The following NDRG4 variants were observed in gnomAD, a reference collection of about 807,000 sequenced individuals.
The protein encoded by NDRG4 is NDRG family member 4.
In NDRG4, 38 loss-of-function variants were observed where a neutral mutation model predicts 55.8. That is an observed-to-expected ratio of 0.68 (90% CI 0.53 to 0.89). NDRG4 has a LOEUF of 0.89. Among genes scored for constraint, NDRG4 ranks in the 40% least tolerant of loss-of-function variants. NDRG4 has a pLI of 0.00. For missense variants in NDRG4, 455 were observed against 468.6 expected (o/e 0.97, Z 0.27); for synonymous variants, 190 against 182.7 (o/e 1.04, Z -0.32).
chr16:58,506,339 C>CT (rs767617628), intron 5 of NDRG4, 48 bp from the exon 6 acceptor site: 4 of 1,566,176 alleles, frequency 2.6e-6, no homozygotes, highest in Admixed American at 3.3e-5. Flanking sequence ...TTTCTGCCAT[C>CT]TGCACCCATC....
downstream of NDRG4, among the ~76,000 whole-genome samples, chr16:58,514,113 T>A (rs1226360893): frequency 6.6e-6 from 1 of 152,192 alleles, no homozygotes; most frequent in Admixed American, 6.5e-5. Flanking sequence ...TACGATCATG[T>A]CTGACAGGGT....
At position 58,511,711 on chromosome 16, in the gene NDRG4, C is replaced by A; in HGVS notation, c.*135C>A. The A allele has an allele frequency of 9.6e-7, 1 of 1,039,046 alleles. No individual in the cohort carries two copies. The highest frequency in any genetic ancestry group is 1.5e-6 in the Non-Finnish European group (1 of 679,312). 64.4% of individuals were successfully genotyped at this position (1,039,046 alleles called of 1,614,324 possible). A position where few individuals can be genotyped will look rare whatever the true frequency, so the allele number is the denominator to read the frequency against. The stretch of plus-strand genomic sequence containing the variant: ...TTCTGTTTGAAAAAAATGAGGGGAT[C>A]TTAGATGCTGCAGCAGAACAGTCTC... On this transcript the variant is annotated 3_prime_UTR_variant, in exon 15 of 15. Transcript: ENST00000570248.
Position 58,504,283 on chromosome 16 carries a change from C to G in NDRG4, c.248+9C>G, listed in dbSNP as rs769233398. On this transcript the variant is annotated intron_variant, in intron 3 of 14. Transcript: ENST00000570248. ...TCGCAGTTTCCTCAGGGGTAGGTAC[C>G]CTGAGCCCCCTCTGCCTGTCTCCAG... 40 of 1,613,938 alleles carry G rather than the reference C, an allele frequency of 2.5e-5. No individual in the cohort carries two copies. The highest frequency in any genetic ancestry group is 3.4e-5 in the Non-Finnish European group (40 of 1,180,010).
At chr16:58,472,498 G>A (rs1342703881) in intron 1 of NDRG4, among the ~76,000 whole-genome samples, 2 of 152,216 alleles carry the variant, frequency 1.3e-5, no homozygotes, top group African/African-American at 4.8e-5. Context: ...CCGGCTGCCT[G>A]TGTGTGATTG....
intron 5 of NDRG4, among the ~76,000 whole-genome samples, chr16:58,505,176 AG>A (rs1256095620): frequency 8.6e-5 from 13 of 151,784 alleles, no homozygotes; most frequent in African/African-American, 3.1e-4. Flanking sequence ...GGTGAAACCC[AG>A]TCTCTACTAA....
At position 58,512,107 on chromosome 16, in the gene NDRG4, T is replaced by C. The variant is rs1197710402; in HGVS notation, c.*531T>C. 4.4e-6 allele frequency: 2 copies of C among 456,722 alleles called. No individual in the cohort carries two copies. Among genetic ancestry groups the C allele is most frequent in the Non-Finnish European group, 4.4e-6 (1 of 226,976 alleles). 28.3% of individuals were successfully genotyped at this position (456,722 alleles called of 1,614,324 possible). A position where few individuals can be genotyped will look rare whatever the true frequency, so the allele number is the denominator to read the frequency against. On this transcript the variant is annotated 3_prime_UTR_variant, in exon 15 of 15. Coordinates refer to ENST00000570248, the MANE Select transcript of NDRG4 (RefSeq NM_001242835.2). ...GGGCGCTCGGACCAGGCAGCCACTT[T>C]CCTGGTGCTCTCTGGGCCCAGCTGG...
At chr16:58,508,865 C>A in intron 10 of NDRG4, 97 bp from the exon 11 acceptor site, 2 of 1,375,010 alleles carry the variant, frequency 1.5e-6, no homozygotes, top group Non-Finnish European at 1.0e-6. Context: ...CCTCCCTGCA[C>A]CCCCTCTCCT....
chr16:58,500,744 G>C, intron 1 of NDRG4: 1 of 422,048 alleles, frequency 2.4e-6, no homozygotes, highest in Admixed American at 4.0e-5. Flanking sequence ...TGCGTGCCGG[G>C]TCTGTGCGTG....
At chr16:58,507,257 G>C in intron 8 of NDRG4, 1 of 545,382 alleles carries the variant, frequency 1.8e-6, no homozygotes, top group Non-Finnish European at 3.3e-6. Flanking sequence ...GGGGCTTCCC[G>C]CTTGGGAATG....
At chr16:58,483,106 C>A (rs1238666651) in intron 1 of NDRG4, among the ~76,000 whole-genome samples, 1 of 152,020 alleles carries the variant, frequency 6.6e-6, no homozygotes, top group Non-Finnish European at 1.5e-5. Context: ...TTTTCAAACA[C>A]CCCCACCATC....
In NDRG4 at chr16:58,511,584, G is replaced by T; in HGVS notation, c.*8G>T. Reference sequence around the variant, plus strand: ...ATGGAGGTGTCCTGTTGAAGCCCTTGATCCCGCTGACGACGCCCACGTCGA... The same window carrying T: ...ATGGAGGTGTCCTGTTGAAGCCCTTTATCCCGCTGACGACGCCCACGTCGA... On this transcript the variant is annotated 3_prime_UTR_variant, in exon 15 of 15. Transcript: ENST00000570248. The T allele has an allele frequency of 6.2e-7, 1 of 1,613,068 alleles. No homozygotes were observed. Among genetic ancestry groups the T allele is most frequent in the African/African-American group, 1.3e-5 (1 of 75,046 alleles).
At position 58,511,667 on chromosome 16, in the gene NDRG4, C is replaced by G; in HGVS notation, c.*91C>G. 6.7e-7 allele frequency: 1 copy of G among 1,497,840 alleles called. No individual in the cohort carries two copies. Among genetic ancestry groups the G allele is most frequent in the Non-Finnish European group, 9.3e-7 (1 of 1,076,592 alleles). The allele number at this position is 1,497,840 out of a possible 1,614,324, so 92.8% of individuals were successfully genotyped here. A position where few individuals can be genotyped will look rare whatever the true frequency, so the allele number is the denominator to read the frequency against. On this transcript the variant is annotated 3_prime_UTR_variant, in exon 15 of 15. Transcript: ENST00000570248. ...TCCCTTTAGTTTATTTTTGTGAGGG[C>G]AAAGGGGAGGAAATGGGGTTCTGTT...
At chr16:58,498,386 C>G (rs1038867385), upstream of NDRG4, among the ~76,000 whole-genome samples, 1 of 152,120 alleles carries the variant, frequency 6.6e-6, no homozygotes, top group Non-Finnish European at 1.5e-5. Flanking sequence ...GGAATAGGTG[C>G]CCCCAGGCAG....
chr16:58,511,396 C>T (rs1467309005), intron 14 of NDRG4, 26 bp from the exon 15 acceptor site: 1 of 1,581,094 alleles, frequency 6.3e-7, no homozygotes, highest in African/African-American at 1.3e-5. Flanking sequence ...CGCCAGTCCT[C>T]AGGCCCATCC....
At chr16:58,478,898 T>C (rs2034069602) in intron 1 of NDRG4, among the ~76,000 whole-genome samples, 1 of 152,184 alleles carries the variant, frequency 6.6e-6, no homozygotes, top group Admixed American at 6.6e-5. Flanking sequence ...CTCCCTTTTA[T>C]ACCCTTCTAA....
intron 5 of NDRG4, chr16:58,505,929 C>G (rs1394370208): frequency 3.7e-6 from 1 of 272,388 alleles, no homozygotes; most frequent in African/African-American, 2.4e-5. Flanking sequence ...ACCATGTTGG[C>G]TAGGCTGGTC....
intron 14 of NDRG4, 122 bp from the exon 15 acceptor site, chr16:58,511,297 CAGG>C (rs2151855118): frequency 6.2e-6 from 7 of 1,129,816 alleles, no homozygotes; most frequent in Admixed American, 2.3e-5. Context: ...CCTCCTGACT[CAGG>C]AGGAGCCCTT....
chr16:58,465,047 A>C (rs550490499), intron 1 of NDRG4: 1 of 1,268,962 alleles, frequency 7.9e-7, no homozygotes, highest in African/African-American at 1.5e-5. Context: ...GCTGGAGAGC[A>C]AGAGCGAACG....
intron 1 of NDRG4, among the ~76,000 whole-genome samples, chr16:58,469,518 T>C (rs746223088): frequency 2.0e-5 from 3 of 152,156 alleles, no homozygotes; most frequent in Non-Finnish European, 2.9e-5. Flanking sequence ...AATAAAGATG[T>C]GTGCAAAGGT....
Sources: gnomAD v4.1 joint callset for allele counts (sites outside exome capture counted in the v4.1 genomes callset) on GRCh38, gnomAD v4.1.1 for gene constraint, MANE v1.5 for transcripts, NCBI Gene and HGNC (gene_info 2026-07-23, HGNC 2026-07-21) for gene names.